Variants in PIK3R3 observed in about 807,000 individuals in gnomAD.
The protein encoded by PIK3R3 is phosphoinositide-3-kinase regulatory subunit 3, also known as phosphatidylinositol 3-kinase regulatory subunit gamma.
Under a neutral mutation model 62.9 loss-of-function variants are expected in PIK3R3, and 64 were observed. The observed-to-expected ratio is 1.02, with a 90% CI of 0.83 to 1.25. The LOEUF (loss-of-function observed/expected upper bound fraction) is 1.25, where lower values mean the gene tolerates loss of function less well. Ranked by LOEUF, PIK3R3 falls within the 50% of genes most tolerant of loss-of-function variation. The pLI, the probability that PIK3R3 is intolerant of heterozygous loss-of-function variation, is 0.00. For missense variants in PIK3R3, 614 were observed against 561.6 expected, an observed-to-expected ratio of 1.09 and a Z score of -0.94; for synonymous variants, 165 against 189.0, an observed-to-expected ratio of 0.87 and a Z score of 1.04.
chr1:46,122,181 AC>A (rs1654734375), intron 1 of PIK3R3, among the ~76,000 whole-genome samples: 1 of 152,218 alleles, frequency 6.6e-6, no homozygotes, highest in Non-Finnish European at 1.5e-5. Flanking sequence ...AAGGAACAAT[AC>A]ATACAACATA....
chr1:46,163,342 C>G, the PIK3R3 span, among the ~76,000 whole-genome samples: 4 of 152,186 alleles, frequency 2.6e-5, no homozygotes, highest in African/African-American at 9.7e-5. Context: ...TTTCCAGCTG[C>G]TAGTGAAGTA....
At chr1:46,136,321 T>C (rs575005846), upstream of PIK3R3, among the ~76,000 whole-genome samples, 3 of 152,312 alleles carry the variant, frequency 2.0e-5, no homozygotes, top group African/African-American at 7.2e-5. Flanking sequence ...AAGTAGAAGA[T>C]ATATCAAGTT....
Position 46,058,703 on chromosome 1 carries a change from G to T in PIK3R3, c.765-2732C>A, listed in dbSNP as rs141618271. ...CCAATTTCTTCCATTTGGAACAGGT[G>T]TATTTACCCAATGTCTGTACCCCCA... On this transcript the variant is annotated intron_variant, in intron 6 of 9. Transcript: ENST00000262741. 2.9e-3 allele frequency among the ~76,000 whole-genome samples: 448 copies of T among 152,330 alleles called. 3 individuals carry two copies. The highest frequency in any genetic ancestry group is 0.021 in the East Asian group (107 of 5,184).
chr1:46,126,873 A>G (rs1332580732), intron 1 of PIK3R3, among the ~76,000 whole-genome samples: 1 of 152,164 alleles, frequency 6.6e-6, no homozygotes, highest in African/African-American at 2.4e-5. Flanking sequence ...AATAGATATA[A>G]TCCACTTAAA....
chr1:46,071,569 G>A (rs751644434), intron 3 of PIK3R3, among the ~76,000 whole-genome samples: 6 of 150,352 alleles, frequency 4.0e-5, no homozygotes, highest in African/African-American at 7.4e-5. Context: ...GGTGGCACAC[G>A]ACTGTAATCC....
At chr1:46,120,181 G>A (rs1298165861) in intron 1 of PIK3R3, among the ~76,000 whole-genome samples, 3 of 152,130 alleles carry the variant, frequency 2.0e-5, no homozygotes, top group Non-Finnish European at 4.4e-5. Flanking sequence ...CTGTAAACCA[G>A]AGATGTTAGC....
At position 46,055,947 on chromosome 1, in the gene PIK3R3, C is replaced by T; in HGVS notation, c.789G>A (p.Leu263=). The T allele has an allele frequency of 6.3e-7, 1 of 1,593,492 alleles. No individual in the cohort carries two copies. Among genetic ancestry groups the T allele is most frequent in the Non-Finnish European group, 8.5e-7 (1 of 1,171,994 alleles). The part of the protein sequence containing the change: ...IERIMMNYDK[L]KSRLGEIHDS... ...CATGAATCTCACCCAGACGTGATTT[C>T]AATTTATCATAATTCATCATAATTC... The change falls in exon 7 of 10, where the codon TTG becomes TTA. Residue 263 remains leucine, a synonymous_variant. Coordinates refer to ENST00000262741, the MANE Select transcript of PIK3R3 (RefSeq NM_003629.4).
the PIK3R3 span, among the ~76,000 whole-genome samples, chr1:46,171,558 T>C: frequency 6.6e-6 from 1 of 152,066 alleles, no homozygotes; most frequent in Non-Finnish European, 1.5e-5. Flanking sequence ...GTGACCGGTA[T>C]TGCATTGTGG....
intron 1 of PIK3R3, among the ~76,000 whole-genome samples, chr1:46,102,090 A>G: frequency 1.4e-5 from 2 of 140,048 alleles, no homozygotes; most frequent in South Asian, 4.5e-4. Context: ...GGTTCACGCC[A>G]TTCTTCTGCC....
intron 1 of PIK3R3, among the ~76,000 whole-genome samples, chr1:46,123,673 T>C (rs1654859958): frequency 6.6e-6 from 1 of 152,188 alleles, no homozygotes; most frequent in Admixed American, 6.5e-5. Flanking sequence ...TGGGCTTTAG[T>C]TAGGCAGATG....
chr1:46,150,693 G>A, the PIK3R3 span, among the ~76,000 whole-genome samples: 1 of 151,922 alleles, frequency 6.6e-6, no homozygotes, highest in African/African-American at 2.4e-5. Flanking sequence ...TGGAAGCAGA[G>A]AAAATGGGAA....
At chr1:46,141,945 C>A in the PIK3R3 span, among the ~76,000 whole-genome samples, 1 of 152,204 alleles carries the variant, frequency 6.6e-6, no homozygotes, top group Non-Finnish European at 1.5e-5. Flanking sequence ...TTGGCTCATT[C>A]TGTATCTGCT....
chr1:46,104,925 CAAAAAAAAAAAAAAA>C, intron 1 of PIK3R3: 1 of 192,016 alleles, frequency 5.2e-6, no homozygotes, highest in Non-Finnish European at 9.6e-6. Context: ...AAGACTCCAT[CAAAAAAAAAAAAAAA>C]AAAAAAAAAA....
At position 46,101,500 on chromosome 1, in the gene PIK3R3, T is replaced by C. The variant is rs1230343698; in HGVS notation, c.107-20750A>G. Among the ~76,000 whole-genome samples, 7 of 152,230 alleles carry C rather than the reference T, an allele frequency of 4.6e-5. No homozygotes were observed. In the East Asian group the frequency reaches 1.2e-3, roughly 25 times the overall value. On this transcript the variant is annotated intron_variant, in intron 1 of 9. Transcript: ENST00000262741. ...AGCCTTGCAACACAGCAAGACTCTG[T>C]TTCAAAGAAGCAAACAAACAACAAC...
At chr1:46,075,283 G>A (rs372834722) in intron 3 of PIK3R3, among the ~76,000 whole-genome samples, 9 of 152,098 alleles carry the variant, frequency 5.9e-5, no homozygotes, top group South Asian at 4.1e-4. Flanking sequence ...AGCCAATTCC[G>A]GGAACCCCAA....
At chr1:46,083,725 G>A (rs1650814784) in intron 1 of PIK3R3, among the ~76,000 whole-genome samples, 1 of 152,032 alleles carries the variant, frequency 6.6e-6, no homozygotes. Context: ...CAAAACCACA[G>A]TGAAATACCA....
Position 46,080,751 on chromosome 1 carries a change from C to A in PIK3R3, c.107-1G>T, listed in dbSNP as rs1215373281. 1 of 1,597,214 alleles carries A rather than the reference C, an allele frequency of 6.3e-7. No individual in the cohort carries two copies. The highest frequency in any genetic ancestry group is 8.6e-7 in the Non-Finnish European group (1 of 1,164,710). ...GGCTTAGGTGGCTTTGGTGGAAGAGCTAGAAGAGAAATGAATATTACTCTG... is the reference window on the plus strand; with the variant it reads ...GGCTTAGGTGGCTTTGGTGGAAGAGATAGAAGAGAAATGAATATTACTCTG... On this transcript the variant is annotated splice_acceptor_variant, in intron 1 of 9. Coordinates refer to ENST00000262741, the MANE Select transcript of PIK3R3 (RefSeq NM_003629.4). LOFTEE classifies it high-confidence loss of function.
intron 1 of PIK3R3, among the ~76,000 whole-genome samples, chr1:46,094,217 A>G (rs1278880315): frequency 6.6e-6 from 1 of 152,214 alleles, no homozygotes; most frequent in Non-Finnish European, 1.5e-5. Context: ...TGATAACTAG[A>G]TATTATAAAA....
At chr1:46,087,592 C>T (rs1274577081) in intron 1 of PIK3R3, among the ~76,000 whole-genome samples, 17 of 100,378 alleles carry the variant, frequency 1.7e-4, no homozygotes, top group South Asian at 3.6e-4. Flanking sequence ...ACATATTCAT[C>T]TTTTTTTTTT....
Sources: allele counts gnomAD v4.1 joint callset (sites outside exome capture counted in the v4.1 genomes callset), GRCh38; gene constraint gnomAD v4.1.1; transcripts MANE v1.5; gene names NCBI Gene and HGNC (gene_info 2026-07-23, HGNC 2026-07-21).